The following FHIT variants were observed in gnomAD, a reference collection of about 807,000 sequenced individuals.
The protein encoded by FHIT is fragile histidine triad diadenosine triphosphatase.
A neutral mutation model predicts 17.9 loss-of-function variants in FHIT; 19 were observed. The ratio of observed to expected loss-of-function variants is 1.06; its 90% CI spans 0.74 to 1.56. The LOEUF (loss-of-function observed/expected upper bound fraction) is 1.56, where lower values mean the gene tolerates loss of function less well. Ranked by LOEUF, FHIT falls within the 40% of genes most tolerant of loss-of-function variation. FHIT has a pLI of 0.00. For synonymous variants in FHIT, 81 were observed against 69.7 expected, an observed-to-expected ratio of 1.16 and a Z score of -0.81; for missense variants, 248 against 189.2, an observed-to-expected ratio of 1.31 and a Z score of -1.82.
chr3:60,804,498 A>C (rs932135832), intron 4 of FHIT, among the ~76,000 whole-genome samples: 1 of 152,220 alleles, frequency 6.6e-6, no homozygotes, highest in Non-Finnish European at 1.5e-5. Flanking sequence ...TAACCCATCT[A>C]TGCCTCAGTT....
At position 61,235,683 on chromosome 3, in the gene FHIT, C is replaced by A. The variant is rs575195861; in HGVS notation, c.-213+15618G>T. On this transcript the variant is annotated intron_variant, in intron 1 of 9. Transcript: ENST00000492590. ...CGCCACTGCACTCCAGCCTGGATGA[C>A]AGAGCGAGACTCTGTCTCAAAAAAA... Among the ~76,000 whole-genome samples the A allele has an allele frequency of 3.3e-5, 5 of 151,408 alleles. No homozygotes were observed. The South Asian group carries it at 8.5e-4, about 26-fold the overall frequency.
At chr3:60,423,250 C>T (rs1280839092) in intron 5 of FHIT, among the ~76,000 whole-genome samples, 1 of 152,098 alleles carries the variant, frequency 6.6e-6, no homozygotes, top group Non-Finnish European at 1.5e-5. Flanking sequence ...ATTCAGATTT[C>T]ACTGCACTGG....
At chr3:60,090,173 C>A (rs889489120) in intron 5 of FHIT, among the ~76,000 whole-genome samples, 1 of 152,066 alleles carries the variant, frequency 6.6e-6, no homozygotes, top group Non-Finnish European at 1.5e-5. Context: ...CATGACAATG[C>A]TACAATTAAT....
chr3:59,827,928 TTGATCATAAA>T (rs1553689097), intron 8 of FHIT, among the ~76,000 whole-genome samples: 1 of 152,214 alleles, frequency 6.6e-6, no homozygotes, highest in Non-Finnish European at 1.5e-5. Flanking sequence ...AATTTGACAT[TTGATCATAAA>T]TTGCTCATCT....
chr3:60,640,609 G>A (rs2039702526), intron 4 of FHIT, among the ~76,000 whole-genome samples: 2 of 152,138 alleles, frequency 1.3e-5, no homozygotes, highest in East Asian at 3.9e-4. Context: ...ATTTAAAGGT[G>A]GAGGATTGAG....
chr3:60,581,479 G>A (rs1221522367), intron 4 of FHIT, among the ~76,000 whole-genome samples: 1 of 151,918 alleles, frequency 6.6e-6, no homozygotes. Context: ...AGAACTCTAG[G>A]AGGTAGGTAA....
intron 5 of FHIT, among the ~76,000 whole-genome samples, chr3:60,072,125 G>A (rs1702801600): frequency 6.6e-6 from 1 of 152,228 alleles, no homozygotes; most frequent in Non-Finnish European, 1.5e-5. Context: ...CAAAGGTAGA[G>A]GAGGAGAAAC....
intron 5 of FHIT, among the ~76,000 whole-genome samples, chr3:60,043,795 T>C (rs1232576066): frequency 1.3e-5 from 2 of 152,156 alleles, no homozygotes; most frequent in African/African-American, 2.4e-5. Flanking sequence ...ACATAACATA[T>C]TAAGCAAAAA....
intron 5 of FHIT, among the ~76,000 whole-genome samples, chr3:60,494,174 A>G (rs367828590): frequency 6.6e-6 from 1 of 152,168 alleles, no homozygotes; most frequent in African/African-American, 2.4e-5. Flanking sequence ...CATCATCCCA[A>G]AAGAAAACTC....
At chr3:61,085,368 T>C (rs2035272347) in intron 2 of FHIT, among the ~76,000 whole-genome samples, 1 of 152,160 alleles carries the variant, frequency 6.6e-6, no homozygotes, top group African/African-American at 2.4e-5. Flanking sequence ...CAATGTGGTA[T>C]ATAATAATAT....
chr3:59,889,208 C>G (rs1441223026), intron 8 of FHIT, among the ~76,000 whole-genome samples: 3 of 152,190 alleles, frequency 2.0e-5, no homozygotes, highest in Admixed American at 1.3e-4. Context: ...TTCAACAATG[C>G]TTGGGCACTG....
intron 5 of FHIT, among the ~76,000 whole-genome samples, chr3:60,216,106 C>T (rs1423770108): frequency 6.6e-6 from 1 of 152,166 alleles, no homozygotes; most frequent in East Asian, 1.9e-4. Context: ...AACACTGAAA[C>T]TGTATTTCAG....
At chr3:59,891,295 C>A (rs1703844363) in intron 8 of FHIT, among the ~76,000 whole-genome samples, 1 of 152,180 alleles carries the variant, frequency 6.6e-6, no homozygotes, top group African/African-American at 2.4e-5. Context: ...CCATGGACAA[C>A]TAACCACAAA....
intron 5 of FHIT, among the ~76,000 whole-genome samples, chr3:60,146,574 G>C (rs752624595): frequency 1.1e-4 from 17 of 152,294 alleles, no homozygotes; most frequent in Admixed American, 2.0e-4. Flanking sequence ...CATTACCACA[G>C]AGGAATGAAG....
chr3:60,429,359 A>G (rs537884850), intron 5 of FHIT, among the ~76,000 whole-genome samples: 2 of 152,224 alleles, frequency 1.3e-5, no homozygotes, highest in Admixed American at 1.3e-4. Flanking sequence ...AAAAAATTCT[A>G]TTGGAAGACT....
chr3:60,373,451 G>C (rs1700420981), intron 5 of FHIT, among the ~76,000 whole-genome samples: 1 of 152,300 alleles, frequency 6.6e-6, no homozygotes, highest in South Asian at 2.1e-4. Context: ...GATAGTGTGA[G>C]ACTAGGCAGA....
At chr3:60,739,886 C>G (rs1446722952) in intron 4 of FHIT, among the ~76,000 whole-genome samples, 1 of 152,202 alleles carries the variant, frequency 6.6e-6, no homozygotes, top group Non-Finnish European at 1.5e-5. Context: ...CACCTATTAT[C>G]TGCCATGTAG....
At chr3:59,919,416 C>G (rs1705298735) in intron 8 of FHIT, among the ~76,000 whole-genome samples, 1 of 152,208 alleles carries the variant, frequency 6.6e-6, no homozygotes, top group Admixed American at 6.5e-5. Flanking sequence ...TATTTAATAT[C>G]TTTCCACCTG....
chr3:60,293,145 A>G (rs1708062507), intron 5 of FHIT, among the ~76,000 whole-genome samples: 1 of 152,096 alleles, frequency 6.6e-6, no homozygotes, highest in African/African-American at 2.4e-5. Flanking sequence ...ACCTTGGTTT[A>G]TAGTTATTAT....
Sources: gnomAD v4.1 joint callset for allele counts (sites outside exome capture counted in the v4.1 genomes callset) on GRCh38, gnomAD v4.1.1 for gene constraint, MANE v1.5 for transcripts, NCBI Gene and HGNC (gene_info 2026-07-23, HGNC 2026-07-21) for gene names.